Variants in SCML2 observed in about 807,000 individuals in gnomAD.
The protein encoded by SCML2 is Scm polycomb group protein like 2.
SCML2 carries 6 observed loss-of-function variants against 48.4 expected under a neutral mutation model. That is an observed-to-expected ratio of 0.12 (90% CI 0.07 to 0.24). SCML2 has a LOEUF of 0.24. SCML2 is among the 10% of genes least tolerant of loss of function. The pLI, the probability that SCML2 is intolerant of heterozygous loss-of-function variation, is 1.00. For synonymous variants in SCML2, 181 were observed against 189.5 expected, an observed-to-expected ratio of 0.95 and a Z score of 0.37; for missense variants, 377 against 528.2, an observed-to-expected ratio of 0.71 and a Z score of 2.81.
intron 6 of SCML2, among the ~76,000 whole-genome samples, chrX:18,307,270 G>T (rs1189068028): frequency 9.1e-6 from 1 of 109,759 alleles, no homozygotes; most frequent in Admixed American, 9.8e-5. Flanking sequence ...CTGGGCAACA[G>T]AGTGAGACTC....
At chrX:18,263,512 T>C (rs1216647054) in intron 8 of SCML2, among the ~76,000 whole-genome samples, 1 of 112,066 alleles carries the variant, frequency 8.9e-6, no homozygotes, top group African/African-American at 3.2e-5. Context: ...AGTATGCTTT[T>C]ATCTGAAAAT....
At chrX:18,351,709 G>T (rs1201264470) in intron 1 of SCML2, among the ~76,000 whole-genome samples, 1 of 108,194 alleles carries the variant, frequency 9.2e-6, no homozygotes, top group African/African-American at 3.4e-5. Context: ...GACTAATAAG[G>T]CAAACAGCAG....
intron 7 of SCML2, among the ~76,000 whole-genome samples, chrX:18,300,799 A>G (rs1928562572): frequency 9.0e-6 from 1 of 110,827 alleles, no homozygotes. Flanking sequence ...TCAAAAAAAA[A>G]AAAAGAAAAA....
Position 18,323,842 on chromosome X carries a change from T to A in SCML2, c.397+17A>T. The A allele has an allele frequency of 8.8e-7, 1 of 1,137,397 alleles. No homozygotes were observed. Among genetic ancestry groups the A allele is most frequent in the Non-Finnish European group, 1.2e-6 (1 of 828,210 alleles). 93.7% of individuals were successfully genotyped at this position (1,137,397 alleles called of 1,213,427 possible). ...CACATTAGAAAGAATACGCTATTTT[T>A]AAAACTTTCTTCTTACCTAGTGGAG... On this transcript the variant is annotated intron_variant, in intron 5 of 14. Coordinates refer to ENST00000251900, the MANE Select transcript of SCML2 (RefSeq NM_006089.3).
At chrX:18,292,828 A>G (rs1287139405) in intron 7 of SCML2, among the ~76,000 whole-genome samples, 1 of 111,535 alleles carries the variant, frequency 9.0e-6, no homozygotes, top group Admixed American at 9.6e-5. Flanking sequence ...ACAGTATTAC[A>G]CTGTATATAT....
chrX:18,332,651 A>G (rs1462160137), intron 2 of SCML2, among the ~76,000 whole-genome samples: 1 of 111,993 alleles, frequency 8.9e-6, no homozygotes, highest in East Asian at 2.8e-4. Context: ...ATAGCCATCC[A>G]TGACTTTTTG....
rs765894790 is a variant in SCML2 at position 18,245,940 on chromosome X, C to T, written c.1822+637G>A. 5.2e-4 allele frequency among the ~76,000 whole-genome samples: 58 copies of T among 111,989 alleles called. 1 individual carries two copies. Among genetic ancestry groups the T allele is most frequent in the Non-Finnish European group, 9.2e-4 (49 of 53,172 alleles). ...TTTTAGTAGAGACAGGGTTTCTCCACGTTGGTCAGGCTGGTCTCAAACTCC... is the reference window on the plus strand; with the variant it reads ...TTTTAGTAGAGACAGGGTTTCTCCATGTTGGTCAGGCTGGTCTCAAACTCC... On this transcript the variant is annotated intron_variant, in intron 13 of 14. Coordinates refer to ENST00000251900, the MANE Select transcript of SCML2 (RefSeq NM_006089.3).
intron 1 of SCML2, among the ~76,000 whole-genome samples, chrX:18,335,658 G>T (rs1250333262): frequency 8.9e-6 from 1 of 111,811 alleles, no homozygotes; most frequent in African/African-American, 3.3e-5. Flanking sequence ...GGTAGCAATT[G>T]CTTCCATTGG....
chrX:18,354,735 C>G (rs1195763906), upstream of SCML2: 2 of 228,099 alleles, frequency 8.8e-6, no homozygotes, highest in Non-Finnish European at 1.6e-5. Flanking sequence ...GCCCCGCCCC[C>G]CGCGCGGCCG....
intron 6 of SCML2, among the ~76,000 whole-genome samples, chrX:18,310,164 A>G (rs752437225): frequency 9.0e-6 from 1 of 111,691 alleles, no homozygotes; most frequent in South Asian, 3.7e-4. Context: ...TGCAAAAGCA[A>G]TAGCTAAAAT....
At chrX:18,279,002 C>T (rs905637433) in intron 7 of SCML2, among the ~76,000 whole-genome samples, 3 of 112,551 alleles carry the variant, frequency 2.7e-5, no homozygotes, top group African/African-American at 9.7e-5. Context: ...TGTATTTCTC[C>T]ACTGCAACCC....
chrX:18,322,274 T>C (rs1279994297), intron 5 of SCML2, among the ~76,000 whole-genome samples: 1 of 112,367 alleles, frequency 8.9e-6, no homozygotes, highest in Non-Finnish European at 1.9e-5. Flanking sequence ...CATTTCATAT[T>C]TTTAAATAAA....
At chrX:18,265,885 C>T (rs3795187) in intron 7 of SCML2, 83 bp from the exon 8 acceptor site, 155,025 of 679,474 alleles carry the variant, frequency 0.23, 14,114 homozygotes, top group African/African-American at 0.45. Context: ...AAGTTTTACT[C>T]GACCTTTAAA....
intron 7 of SCML2, among the ~76,000 whole-genome samples, chrX:18,302,980 A>G (rs1431026522): frequency 8.9e-6 from 1 of 111,832 alleles, no homozygotes; most frequent in Non-Finnish European, 1.9e-5. Context: ...AATATGGGCT[A>G]GTATGAAAGC....
chrX:18,264,845 G>C (rs1276302521), intron 8 of SCML2, among the ~76,000 whole-genome samples: 1 of 111,523 alleles, frequency 9.0e-6, no homozygotes, highest in East Asian at 2.8e-4. Flanking sequence ...GCTCAGATCA[G>C]GGGTCTGTCA....
intron 7 of SCML2, among the ~76,000 whole-genome samples, chrX:18,281,206 A>T (rs1050469993): frequency 1.7e-5 from 1 of 58,270 alleles, no homozygotes; most frequent in Non-Finnish European, 4.1e-5. Flanking sequence ...ATCTCTCAAA[A>T]CTACATAAAT....
At chrX:18,308,251 T>G (rs1356986299) in intron 6 of SCML2, among the ~76,000 whole-genome samples, 1 of 86,109 alleles carries the variant, frequency 1.2e-5, no homozygotes, top group Non-Finnish European at 2.2e-5. Flanking sequence ...CGGAGTGAGA[T>G]GCTATCTCAA....
At chrX:18,300,724 G>C (rs1928558112) in intron 7 of SCML2, among the ~76,000 whole-genome samples, 1 of 106,139 alleles carries the variant, frequency 9.4e-6, no homozygotes, top group African/African-American at 3.5e-5. Context: ...CCAGGAGACA[G>C]AGGTTGTAGT....
chrX:18,288,132 A>AAGGT (rs769910951), intron 7 of SCML2, among the ~76,000 whole-genome samples: 4 of 111,399 alleles, frequency 3.6e-5, no homozygotes, highest in Non-Finnish European at 7.5e-5. Context: ...TTTAAACCTT[A>AAGGT]GTATCTTGTT....
Sources: allele counts gnomAD v4.1 joint callset (sites outside exome capture counted in the v4.1 genomes callset), GRCh38; gene constraint gnomAD v4.1.1; transcripts MANE v1.5; gene names NCBI Gene and HGNC (gene_info 2026-07-23, HGNC 2026-07-21).